The following PCDHA12 variants were observed in gnomAD, a reference collection of about 807,000 sequenced individuals.
PCDHA12 encodes the protein protocadherin alpha 12, also known as protocadherin alpha-12.
PCDHA12 carries 44 observed loss-of-function variants against 60.0 expected under a neutral mutation model. That is an observed-to-expected ratio of 0.73 (90% CI 0.58 to 0.94). The LOEUF (loss-of-function observed/expected upper bound fraction) is 0.94. Among genes scored for constraint, PCDHA12 ranks in the 40% least tolerant of loss-of-function variants. PCDHA12 has a pLI of 0.00. For synonymous variants in PCDHA12, 569 were observed against 553.0 expected, an observed-to-expected ratio of 1.03 and a Z score of -0.40; for missense variants, 1,276 against 1,239.7, an observed-to-expected ratio of 1.03 and a Z score of -0.44.
chr5:140,904,156 G>C (rs1554191312), intron 1 of PCDHA12, among the ~76,000 whole-genome samples: 1 of 152,028 alleles, frequency 6.6e-6, no homozygotes, highest in Non-Finnish European at 1.5e-5. Flanking sequence ...ATTGCACCCA[G>C]TTTGTAGTCT....
In PCDHA12 at chr5:140,877,316, C is replaced by T; in HGVS notation, c.1844C>T (p.Ala615Val). The T allele has an allele frequency of 6.2e-7, 1 of 1,613,948 alleles. No homozygotes were observed. ...CTGTCCTACGAGTTGCAACCGGCGG[C>T]GGTCGGCGCGCACATCCCGTTCCAC... ...AWLSYELQPA[A>V]VGAHIPFHVG... The change falls in exon 1 of 4, where the codon GCG (alanine) becomes GTG (valine). Residue 615 changes from alanine (A) to valine (V), a missense_variant. By Grantham distance (64) the Ala-to-Val change is moderately conservative. Transcript: ENST00000398631.
At chr5:140,882,070 C>A in intron 1 of PCDHA12, 1 of 854,286 alleles carries the variant, frequency 1.2e-6, no homozygotes, top group Non-Finnish European at 1.8e-6. Context: ...CGTTCATGCG[C>A]ATGGTGTCGC....
chr5:140,999,574 A>G (rs2097863527), intron 3 of PCDHA12, among the ~76,000 whole-genome samples: 1 of 152,170 alleles, frequency 6.6e-6, no homozygotes, highest in South Asian at 2.1e-4. Context: ...AAGAGACTAT[A>G]AAGGGAAATT....
At chr5:140,901,952 C>T (rs1427349795) in intron 1 of PCDHA12, among the ~76,000 whole-genome samples, 6 of 151,888 alleles carry the variant, frequency 4.0e-5, no homozygotes, top group Non-Finnish European at 8.8e-5. Context: ...TAGTTTTATT[C>T]GTGGCTATCG....
At chr5:140,981,392 G>A (rs565370456) in intron 2 of PCDHA12, among the ~76,000 whole-genome samples, 1 of 152,208 alleles carries the variant, frequency 6.6e-6, no homozygotes, top group South Asian at 2.1e-4. Context: ...TGGTCAATAT[G>A]GTGAAAACCT....
intron 1 of PCDHA12, among the ~76,000 whole-genome samples, chr5:140,922,731 T>A (rs59295733): frequency 0.057 from 8,631 of 152,032 alleles, 722 homozygotes; most frequent in African/African-American, 0.19. Flanking sequence ...CTTGACAAGG[T>A]TGAGAAAAAT....
At chr5:140,884,519 T>G in intron 1 of PCDHA12, 1 of 1,614,042 alleles carries the variant, frequency 6.2e-7, no homozygotes, top group Non-Finnish European at 8.5e-7. Context: ...TTGGTCGTAC[T>G]CGCAGCAGAG....
chr5:140,957,736 C>T (rs1001757062), intron 1 of PCDHA12, among the ~76,000 whole-genome samples: 3 of 151,944 alleles, frequency 2.0e-5, no homozygotes, highest in Non-Finnish European at 4.4e-5. Context: ...ATTATATATA[C>T]TGACATGAAA....
chr5:141,000,423 T>C (rs470406), intron 3 of PCDHA12, among the ~76,000 whole-genome samples: 6 of 66,864 alleles, frequency 9.0e-5, no homozygotes, highest in Non-Finnish European at 1.8e-4. Context: ...ATATATATAT[T>C]TTTTTTTTTT....
chr5:140,898,674 C>G (rs1174441906), intron 1 of PCDHA12, among the ~76,000 whole-genome samples: 1 of 152,160 alleles, frequency 6.6e-6, no homozygotes, highest in Non-Finnish European at 1.5e-5. Context: ...GTGTTGCGGG[C>G]TGTTTTTTGG....
rs1554203742 is a variant in PCDHA12 at position 140,926,854 on chromosome 5, G to A, written c.2367+49015G>A. 10 of 1,520,530 alleles carry A rather than the reference G, an allele frequency of 6.6e-6. No homozygotes were observed. In the South Asian group the frequency reaches 1.3e-4, roughly 20 times the overall value. The allele number at this position is 1,520,530 out of a possible 1,614,324, so 94.2% of individuals were successfully genotyped here. On this transcript the variant is annotated intron_variant, in intron 1 of 3. Transcript: ENST00000398631. Reference sequence around the variant, plus strand: ...GGAGCATGGTCCTGGGTCACCGTTGGTGTAGCGTGTTGGTGGAACGTGGAC... The same window carrying A: ...GGAGCATGGTCCTGGGTCACCGTTGATGTAGCGTGTTGGTGGAACGTGGAC...
rs80155737 is a variant in PCDHA12, at chr5:140,924,458, T to C, written c.2367+46619T>C. Among the ~76,000 whole-genome samples, 1,228 of 152,310 alleles carry C rather than the reference T, an allele frequency of 8.1e-3. 6 individuals are homozygous for C. Among genetic ancestry groups the C allele is most frequent in the African/African-American group, 0.019 (794 of 41,566 alleles). On this transcript the variant is annotated intron_variant, in intron 1 of 3. Coordinates refer to ENST00000398631, the MANE Select transcript of PCDHA12 (RefSeq NM_018903.4). The stretch of plus-strand genomic sequence containing the variant: ...GAGATAACGAATGGGTTTGTGTGTT[T>C]AGGGAGGTAACTGGTTTTTAGTGGA...
In PCDHA12 at chr5:140,904,839, ATCT is replaced by A. The variant is rs1480252178; in HGVS notation, c.2367+27007_2367+27009del. 4.1e-4 allele frequency among the ~76,000 whole-genome samples: 62 copies of A among 152,040 alleles called. No individual in the cohort carries two copies. The East Asian group carries it at 6.4e-3, about 16-fold the overall frequency. Reference sequence around the variant, plus strand: ...TTGAGCATTTTTTTATATGTTTCATATCTTCTTCTGAGAATTGTCTGTTTATGT... The same window carrying A: ...TTGAGCATTTTTTTATATGTTTCATATCTTCTGAGAATTGTCTGTTTATGT... On this transcript the variant is annotated intron_variant, in intron 1 of 3. Coordinates refer to ENST00000398631, the MANE Select transcript of PCDHA12 (RefSeq NM_018903.4).
intron 3 of PCDHA12, chr5:140,989,128 G>T (rs2097330831): frequency 1.3e-5 from 2 of 152,178 alleles, no homozygotes; most frequent in Non-Finnish European, 2.9e-5. Flanking sequence ...AGAAAAATAA[G>T]ACACTTTATC....
At chr5:140,929,417 T>C in intron 1 of PCDHA12, 2 of 1,503,568 alleles carry the variant, frequency 1.3e-6, no homozygotes, top group Non-Finnish European at 1.8e-6. Context: ...TTTCACAACA[T>C]TTCATCAATT....
intron 3 of PCDHA12, among the ~76,000 whole-genome samples, chr5:140,993,767 G>A (rs115607244): frequency 3.3e-5 from 5 of 152,010 alleles, no homozygotes; most frequent in Non-Finnish European, 7.4e-5. Context: ...TTACAATTGC[G>A]CAGTATTTTG....
chr5:140,948,345 A>G (rs1476053305), intron 1 of PCDHA12, among the ~76,000 whole-genome samples: 3 of 151,554 alleles, frequency 2.0e-5, no homozygotes, highest in African/African-American at 7.2e-5. Context: ...TAGTATTTCT[A>G]ACCTAATAAA....
At chr5:140,882,577 C>A (rs370671644) in intron 1 of PCDHA12, 3 of 1,614,238 alleles carry the variant, frequency 1.9e-6, no homozygotes, top group South Asian at 2.2e-5. Flanking sequence ...CGGAGTGCAG[C>A]ATCCACCTGG....
At position 140,875,646 on chromosome 5, in the gene PCDHA12, G is replaced by T. The variant is rs781973102; in HGVS notation, c.174G>T (p.Glu58Asp). 6.2e-7 allele frequency: 1 copy of T among 1,613,722 alleles called. No homozygotes were observed. The highest frequency in any genetic ancestry group is 8.5e-7 in the Non-Finnish European group (1 of 1,180,002). Reference protein sequence around the residue: ...IAQDLGLELAELVPRLFRVAS... With the variant: ...IAQDLGLELADLVPRLFRVAS... ...AGGACCTGGGGCTGGAGCTGGCGGAGCTGGTGCCGCGCCTGTTCCGGGTGG... is the reference window on the plus strand; with the variant it reads ...AGGACCTGGGGCTGGAGCTGGCGGATCTGGTGCCGCGCCTGTTCCGGGTGG... Residue 58 changes from glutamate to aspartate, a missense_variant, in exon 1 of 4, where the codon GAG becomes GAT. Coordinates refer to ENST00000398631, the MANE Select transcript of PCDHA12 (RefSeq NM_018903.4).
Sources: gnomAD v4.1 joint callset for allele counts (sites outside exome capture counted in the v4.1 genomes callset) on GRCh38, gnomAD v4.1.1 for gene constraint, MANE v1.5 for transcripts, NCBI Gene and HGNC (gene_info 2026-07-23, HGNC 2026-07-21) for gene names.